The following DRC8 variants were observed in gnomAD, a reference collection of about 807,000 sequenced individuals.
DRC8 encodes dynein regulatory complex protein 8.
chr1:244,992,440 A>G, the DRC8 span, among the ~76,000 whole-genome samples: 1 of 152,312 alleles, frequency 6.6e-6, no homozygotes, highest in East Asian at 1.9e-4. Context: ...TTACAGAAGT[A>G]AAAGAATGAA....
chr1:244,980,905 G>A, the DRC8 span, among the ~76,000 whole-genome samples: 6 of 152,138 alleles, frequency 3.9e-5, no homozygotes, highest in African/African-American at 7.2e-5. Context: ...GACTGAGGCC[G>A]GGCGTGGTGG....
the DRC8 span, among the ~76,000 whole-genome samples, chr1:245,104,226 G>A: frequency 7.2e-5 from 11 of 152,310 alleles, no homozygotes; most frequent in East Asian, 9.7e-4. Flanking sequence ...TCAATGGGCC[G>A]GGTGTGGTGG....
the DRC8 span, among the ~76,000 whole-genome samples, chr1:245,063,818 T>A: frequency 6.6e-6 from 1 of 152,114 alleles, no homozygotes; most frequent in Non-Finnish European, 1.5e-5. Context: ...GCCTCCTGGC[T>A]TCAGGTGATT....
the DRC8 span, among the ~76,000 whole-genome samples, chr1:244,992,073 T>C: frequency 6.6e-6 from 1 of 152,230 alleles, no homozygotes; most frequent in African/African-American, 2.4e-5. Flanking sequence ...ACAGACATCT[T>C]TTTATAGACG....
the DRC8 span, among the ~76,000 whole-genome samples, chr1:245,048,428 A>G: frequency 6.6e-6 from 1 of 152,200 alleles, no homozygotes; most frequent in Non-Finnish European, 1.5e-5. Context: ...TTGTTGTATA[A>G]GTAGTTTATG....
the DRC8 span, among the ~76,000 whole-genome samples, chr1:244,973,583 C>A: frequency 6.6e-6 from 1 of 152,198 alleles, no homozygotes; most frequent in African/African-American, 2.4e-5. Context: ...TTCCCCTCTG[C>A]TTTACCGGTA....
chr1:244,979,566 A>G, the DRC8 span, among the ~76,000 whole-genome samples: 1 of 151,762 alleles, frequency 6.6e-6, no homozygotes, highest in African/African-American at 2.4e-5. Context: ...TTGGCCTCCC[A>G]AAGTACTAGG....
chr1:245,075,429 A>G, the DRC8 span: 1 of 152,278 alleles, frequency 6.6e-6, no homozygotes, highest in African/African-American at 2.4e-5. Context: ...ATTTATTGAG[A>G]TGGCTCCATA....
At chr1:245,057,517 T>C in the DRC8 span, among the ~76,000 whole-genome samples, 1 of 152,334 alleles carries the variant, frequency 6.6e-6, no homozygotes, top group African/African-American at 2.4e-5. Context: ...ACACTGACAG[T>C]ACATTTCCAT....
At chr1:244,997,408 A>ATTCT in the DRC8 span, among the ~76,000 whole-genome samples, 7 of 151,966 alleles carry the variant, frequency 4.6e-5, no homozygotes. Flanking sequence ...AAAGCTGTTC[A>ATTCT]TTCTTCCATA....
the DRC8 span, among the ~76,000 whole-genome samples, chr1:245,053,467 G>A: frequency 6.6e-6 from 1 of 152,204 alleles, no homozygotes; most frequent in African/African-American, 2.4e-5. Context: ...GCTCAATGGA[G>A]AGATTAGCTT....
the DRC8 span, among the ~76,000 whole-genome samples, chr1:245,078,425 A>C: frequency 6.8e-6 from 1 of 146,160 alleles, no homozygotes; most frequent in Non-Finnish European, 1.5e-5. Flanking sequence ...ATATGGAAAC[A>C]ACGTGTCTAT....
the DRC8 span, among the ~76,000 whole-genome samples, chr1:244,990,606 T>G: frequency 1.3e-5 from 2 of 152,208 alleles, no homozygotes; most frequent in African/African-American, 4.8e-5. Context: ...CTCTTTTCGC[T>G]GGCTCCTATG....
the DRC8 span, among the ~76,000 whole-genome samples, chr1:245,109,491 C>T: frequency 6.6e-6 from 1 of 152,202 alleles, no homozygotes; most frequent in Non-Finnish European, 1.5e-5. Flanking sequence ...CTGAAGAAGA[C>T]AAGCACCCTC....
At chr1:245,090,104 G>A in the DRC8 span, among the ~76,000 whole-genome samples, 4 of 152,230 alleles carry the variant, frequency 2.6e-5, no homozygotes, top group Non-Finnish European at 4.4e-5. Context: ...CCAGGGTTAA[G>A]GTTTTGTCAT....
chr1:245,002,936 C>T, the DRC8 span, among the ~76,000 whole-genome samples: 1 of 152,088 alleles, frequency 6.6e-6, no homozygotes, highest in Non-Finnish European at 1.5e-5. Context: ...AGCTCTGTGC[C>T]CATTAATCAA....
the DRC8 span, chr1:245,059,343 G>A: frequency 2.0e-5 from 30 of 1,481,396 alleles, no homozygotes; most frequent in Middle Eastern, 1.7e-4. Flanking sequence ...TGGCCTTTTC[G>A]GAGTTTATAT....
the DRC8 span, among the ~76,000 whole-genome samples, chr1:244,975,185 C>T: frequency 2.0e-5 from 3 of 152,286 alleles, no homozygotes; most frequent in African/African-American, 7.2e-5. Context: ...CCACCTCGGC[C>T]TCCCAAAGTG....
the DRC8 span, among the ~76,000 whole-genome samples, chr1:245,041,873 G>A: frequency 2.6e-5 from 4 of 152,178 alleles, no homozygotes; most frequent in South Asian, 8.3e-4. Context: ...TACAAATTGA[G>A]GAAGGCCCCA....
Sources: allele counts gnomAD v4.1 joint callset (sites outside exome capture counted in the v4.1 genomes callset), GRCh38; gene constraint gnomAD v4.1.1; transcripts MANE v1.5; gene names NCBI Gene and HGNC (gene_info 2026-07-23, HGNC 2026-07-21).